PKHD1: variants seen among roughly 807,000 people sequenced by gnomAD.
The protein encoded by PKHD1 is PKHD1 ciliary IPT domain containing fibrocystin/polyductin, also known as fibrocystin.
PKHD1 carries 291 observed loss-of-function variants against 412.0 expected under a neutral mutation model. The ratio of observed to expected loss-of-function variants is 0.71; its 90% confidence interval spans 0.64 to 0.78. The LOEUF is 0.78. Among genes scored for constraint, PKHD1 ranks in the 30% least tolerant of loss-of-function variants. The pLI is 0.00. For missense variants in PKHD1, 4,825 were observed against 4,950.7 expected (o/e 0.97, Z 0.76); for synonymous variants, 1,777 against 1,821.5 (o/e 0.98, Z 0.62).
At chr6:51,823,059 C>A (rs1766713534) in intron 52 of PKHD1, among the ~76,000 whole-genome samples, 2 of 146,442 alleles carry the variant, frequency 1.4e-5, no homozygotes, top group African/African-American at 5.1e-5. Flanking sequence ...AAAGTTTGTA[C>A]AGGTTAAGTA....
chr6:51,821,437 T>G (rs1369625968), intron 52 of PKHD1, among the ~76,000 whole-genome samples: 1 of 152,192 alleles, frequency 6.6e-6, no homozygotes, highest in African/African-American at 2.4e-5. Context: ...AAGACATTAG[T>G]TCCTGATATT....
At chr6:52,015,845 A>G (rs1203142795) in intron 34 of PKHD1, among the ~76,000 whole-genome samples, 1 of 152,028 alleles carries the variant, frequency 6.6e-6, no homozygotes, top group Non-Finnish European at 1.5e-5. Context: ...AAAAAAGAAA[A>G]CATACCCACT....
At chr6:52,058,296 T>C (rs762867056) in intron 16 of PKHD1, 27 bp downstream of exon 16, 47 of 1,612,558 alleles carry the variant, frequency 2.9e-5, no homozygotes, top group Non-Finnish European at 3.9e-5. Context: ...AGAGTTCAGC[T>C]CCATGGGACT....
At chr6:52,077,732 T>C (rs1811519434) in intron 5 of PKHD1, among the ~76,000 whole-genome samples, 1 of 152,094 alleles carries the variant, frequency 6.6e-6, no homozygotes. Context: ...GGTTAGAAAA[T>C]AGTTCACAGA....
intron 60 of PKHD1, among the ~76,000 whole-genome samples, chr6:51,702,836 T>G (rs1048863445): frequency 6.7e-6 from 1 of 150,362 alleles, no homozygotes; most frequent in Non-Finnish European, 1.5e-5. Context: ...GAAAAAGGAA[T>G]AGATAATTCA....
chr6:51,742,506 G>C (rs777120433), intron 60 of PKHD1, among the ~76,000 whole-genome samples: 5 of 152,124 alleles, frequency 3.3e-5, no homozygotes, highest in Non-Finnish European at 5.9e-5. Context: ...AAGATACATA[G>C]AACTGTCTGC....
chr6:51,950,309 T>A (rs563654564), intron 36 of PKHD1, among the ~76,000 whole-genome samples: 2 of 151,060 alleles, frequency 1.3e-5, no homozygotes, highest in South Asian at 4.2e-4. Context: ...TCAACTCAGA[T>A]TTCCCTGGCG....
intron 60 of PKHD1, among the ~76,000 whole-genome samples, chr6:51,693,200 G>T (rs1197408720): frequency 6.6e-6 from 1 of 152,178 alleles, no homozygotes; most frequent in African/African-American, 2.4e-5. Context: ...ATCATCATCT[G>T]TCCTGAATAA....
chr6:52,002,040 A>G (rs1798462932), intron 35 of PKHD1, among the ~76,000 whole-genome samples: 1 of 152,224 alleles, frequency 6.6e-6, no homozygotes, highest in South Asian at 2.1e-4. Context: ...ATTAATTCTT[A>G]CAACCCTACA....
chr6:51,721,909 T>C, intron 60 of PKHD1: 2 of 1,609,668 alleles, frequency 1.2e-6, no homozygotes, highest in Non-Finnish European at 1.7e-6. Flanking sequence ...ATTTGGTCCA[T>C]GCTCCAACCC....
intron 52 of PKHD1, among the ~76,000 whole-genome samples, chr6:51,798,443 A>C (rs977811128): frequency 6.6e-6 from 1 of 152,138 alleles, no homozygotes; most frequent in African/African-American, 2.4e-5. Context: ...AGAATGTTGA[A>C]TATCTACCCC....
intron 60 of PKHD1, among the ~76,000 whole-genome samples, chr6:51,726,813 TGGTGTGCTGAA>T: frequency 6.6e-6 from 1 of 152,212 alleles, no homozygotes; most frequent in Non-Finnish European, 1.5e-5. Context: ...CAAATAACTA[TGGTGTGCTGAA>T]TAATAGCCTC....
At chr6:51,626,914 G>T in intron 66 of PKHD1, 83 bp downstream of exon 66, 1 of 1,472,080 alleles carries the variant, frequency 6.8e-7, no homozygotes, top group Non-Finnish European at 9.5e-7. Context: ...AATTGCTTCA[G>T]AGACAGAGCT....
At chr6:51,996,070 A>G (rs1208084703) in intron 35 of PKHD1, among the ~76,000 whole-genome samples, 2 of 151,550 alleles carry the variant, frequency 1.3e-5, no homozygotes, top group Non-Finnish European at 2.9e-5. Context: ...CAGTGGTGCA[A>G]TCCTGGCTCA....
intron 61 of PKHD1, among the ~76,000 whole-genome samples, chr6:51,658,683 T>C (rs1429183189): frequency 6.6e-6 from 1 of 152,080 alleles, no homozygotes; most frequent in Non-Finnish European, 1.5e-5. Context: ...TTCAAAAATA[T>C]CTCTTCCTAC....
chr6:52,050,771 G>A (rs530221493), intron 21 of PKHD1, among the ~76,000 whole-genome samples: 21 of 152,312 alleles, frequency 1.4e-4, no homozygotes, highest in Admixed American at 6.5e-5. Flanking sequence ...CAGAAAGGGT[G>A]CAAGCTTTAA....
chr6:51,956,657 T>G (rs1358196114), intron 36 of PKHD1, among the ~76,000 whole-genome samples: 1 of 151,630 alleles, frequency 6.6e-6, no homozygotes, highest in Non-Finnish European at 1.5e-5. Context: ...TAAAGCAACA[T>G]CAAAGGATAA....
intron 52 of PKHD1, among the ~76,000 whole-genome samples, chr6:51,793,343 A>C (rs1794064846): frequency 6.6e-6 from 1 of 152,076 alleles, no homozygotes; most frequent in African/African-American, 2.4e-5. Context: ...TTATTTACTT[A>C]TTTATTTTAT....
intron 61 of PKHD1, among the ~76,000 whole-genome samples, chr6:51,657,012 T>C (rs1771966614): frequency 6.6e-6 from 1 of 151,868 alleles, no homozygotes. Flanking sequence ...GTGTCCAGTA[T>C]GGCCTGAATT....
Sources: gnomAD v4.1 joint callset for allele counts (sites outside exome capture counted in the v4.1 genomes callset) on GRCh38, gnomAD v4.1.1 for gene constraint, MANE v1.5 for transcripts, NCBI Gene and HGNC (gene_info 2026-07-23, HGNC 2026-07-21) for gene names.